The following RHBDD1 variants were observed in gnomAD, a reference collection of about 807,000 sequenced individuals.
RHBDD1 encodes the protein rhomboid-related protein 4.
In RHBDD1, 38 loss-of-function variants were observed where a neutral mutation model predicts 36.3. The ratio of observed to expected loss-of-function variants is 1.05; its 90% CI spans 0.81 to 1.37. The LOEUF (loss-of-function observed/expected upper bound fraction) is 1.37, where lower values mean the gene tolerates loss of function less well. RHBDD1 is among the 40% of genes most tolerant of loss of function. RHBDD1 has a pLI of 0.00. For missense variants in RHBDD1, 393 were observed against 377.6 expected, an observed-to-expected ratio of 1.04 and a Z score of -0.34; for synonymous variants, 151 against 136.5, an observed-to-expected ratio of 1.11 and a Z score of -0.74.
intron 2 of RHBDD1, among the ~76,000 whole-genome samples, chr2:226,838,922 G>A (rs901933598): frequency 1.3e-5 from 2 of 152,206 alleles, no homozygotes; most frequent in Non-Finnish European, 2.9e-5. Flanking sequence ...GAGTAATAAA[G>A]TATCTTCTGT....
the RHBDD1 span, among the ~76,000 whole-genome samples, chr2:226,812,058 C>T: frequency 2.0e-5 from 3 of 152,204 alleles, no homozygotes; most frequent in Non-Finnish European, 4.4e-5. Flanking sequence ...TCCCCCCATA[C>T]CCACCTTTTA....
intron 1 of RHBDD1, among the ~76,000 whole-genome samples, chr2:226,836,614 A>G (rs1374228144): frequency 6.6e-6 from 1 of 152,202 alleles, no homozygotes; most frequent in Non-Finnish European, 1.5e-5. Context: ...GTTTACAAGA[A>G]ACGGATCACA....
intron 5 of RHBDD1, among the ~76,000 whole-genome samples, chr2:226,870,512 A>G (rs1028209214): frequency 6.6e-6 from 1 of 152,188 alleles, no homozygotes; most frequent in African/African-American, 2.4e-5. Context: ...CTTAAACACT[A>G]AATAAGCAAG....
At chr2:226,979,770 C>G (rs776983621) in intron 8 of RHBDD1, among the ~76,000 whole-genome samples, 1 of 152,210 alleles carries the variant, frequency 6.6e-6, no homozygotes, top group Non-Finnish European at 1.5e-5. Flanking sequence ...CAGAAACACC[C>G]AGGAGCACTG....
chr2:226,857,874 T>A (rs1574830585), intron 3 of RHBDD1, among the ~76,000 whole-genome samples: 1 of 151,414 alleles, frequency 6.6e-6, no homozygotes, highest in Non-Finnish European at 1.5e-5. Flanking sequence ...GTGAATATAC[T>A]AAAAAAAAAC....
Position 226,854,314 on chromosome 2 carries a change from C to T in RHBDD1, c.-90-10290C>T, listed in dbSNP as rs911790460. ...TTGATTAACAACTTAACCTAAGGGC[C>T]GGGCGTGGTGGCTCACACCTGTAAT... On this transcript the variant is annotated intron_variant, in intron 3 of 8. Transcript: ENST00000392062. Among the ~76,000 whole-genome samples, 5 of 152,010 alleles carry T rather than the reference C, an allele frequency of 3.3e-5. No individual in the cohort carries two copies. In the East Asian group the frequency reaches 7.8e-4, roughly 24 times the overall value.
rs1959587018 is a variant in RHBDD1, at chr2:226,997,162, C to T, written c.*1640C>T. On this transcript the variant is annotated 3_prime_UTR_variant, in exon 9 of 9. Transcript: ENST00000392062. ...GGCCTCCTGGCTGGCCCAGTAATATCTGAGCTCCTTTGGTTAATTTATAAC... is the reference window on the plus strand; with the variant it reads ...GGCCTCCTGGCTGGCCCAGTAATATTTGAGCTCCTTTGGTTAATTTATAAC... 6.6e-6 allele frequency: 1 copy of T among 152,218 alleles called. No individual in the cohort carries two copies. The highest frequency in any genetic ancestry group is 2.4e-5 in the African/African-American group (1 of 41,452). 9.4% of individuals were successfully genotyped at this position (152,218 alleles called of 1,614,324 possible). A position where few individuals can be genotyped will look rare whatever the true frequency, so the allele number is the denominator to read the frequency against.
intron 5 of RHBDD1, among the ~76,000 whole-genome samples, chr2:226,902,350 G>T (rs1947665847): frequency 6.6e-6 from 1 of 152,132 alleles, no homozygotes; most frequent in African/African-American, 2.4e-5. Flanking sequence ...AAAGCCCAGG[G>T]CTTCTTTCTG....
chr2:226,906,970 G>A (rs775189769), intron 6 of RHBDD1, 89 bp downstream of exon 6: 2 of 1,381,270 alleles, frequency 1.4e-6, no homozygotes, highest in Non-Finnish European at 2.1e-6. Flanking sequence ...GTTTCCCTGT[G>A]GTTCAGCTCA....
rs551765077 is a variant in RHBDD1 at position 226,996,539 on chromosome 2, A to G, written c.*1017A>G. ...AAAGGACAAAGTCAGAAGATCACTG[A>G]TGTCTTACTGTCAACAGAGATATTT... On this transcript the variant is annotated 3_prime_UTR_variant, in exon 9 of 9. Coordinates refer to ENST00000392062, the MANE Select transcript of RHBDD1 (RefSeq NM_001167608.3). 3.9e-5 allele frequency: 6 copies of G among 152,356 alleles called. No individual in the cohort carries two copies. In the South Asian group the frequency reaches 1.0e-3, roughly 26 times the overall value. 9.4% of individuals were successfully genotyped at this position (152,356 alleles called of 1,614,324 possible).
At chr2:226,956,473 C>T (rs1355310152) in intron 8 of RHBDD1, among the ~76,000 whole-genome samples, 3 of 152,190 alleles carry the variant, frequency 2.0e-5, no homozygotes, top group Non-Finnish European at 4.4e-5. Flanking sequence ...CACCAGTCCC[C>T]AAGTTCTCCT....
the RHBDD1 span, among the ~76,000 whole-genome samples, chr2:226,820,037 G>A: frequency 2.1e-5 from 3 of 144,780 alleles, no homozygotes; most frequent in East Asian, 6.1e-4. Flanking sequence ...TAGGGCAGCT[G>A]AAGATCTGTG....
At chr2:226,959,008 T>A (rs1314825607) in intron 8 of RHBDD1, among the ~76,000 whole-genome samples, 1 of 152,148 alleles carries the variant, frequency 6.6e-6, no homozygotes, top group African/African-American at 2.4e-5. Flanking sequence ...AGCTGCCTTA[T>A]CTGACTGGTA....
intron 3 of RHBDD1, among the ~76,000 whole-genome samples, chr2:226,858,834 T>C (rs1943572018): frequency 6.6e-6 from 1 of 152,186 alleles, no homozygotes; most frequent in African/African-American, 2.4e-5. Context: ...ACCTTCCATT[T>C]CTCTCTGCCA....
At chr2:226,816,375 C>CAAAAAAAAAAA in the RHBDD1 span, among the ~76,000 whole-genome samples, 16 of 64,924 alleles carry the variant, frequency 2.5e-4, no homozygotes, top group East Asian at 8.6e-4. Context: ...GGAATGGTGG[C>CAAAAAAAAAAA]AAAAAAAAAA....
At chr2:226,907,967 G>A (rs1429668616) in intron 6 of RHBDD1, among the ~76,000 whole-genome samples, 2 of 152,106 alleles carry the variant, frequency 1.3e-5, no homozygotes, top group African/African-American at 4.8e-5. Context: ...TCATGATGAA[G>A]CGGTTAGTAA....
intron 8 of RHBDD1, among the ~76,000 whole-genome samples, chr2:226,984,878 A>C (rs1956579970): frequency 8.0e-6 from 1 of 124,486 alleles, no homozygotes. Flanking sequence ...TGAGAGCTAG[A>C]TGGGCCTTTT....
chr2:226,904,118 C>G (rs1947828253), intron 5 of RHBDD1, among the ~76,000 whole-genome samples: 1 of 152,178 alleles, frequency 6.6e-6, no homozygotes, highest in Non-Finnish European at 1.5e-5. Flanking sequence ...AACAGGGAAA[C>G]AGAAAACTTT....
chr2:226,914,110 A>C, intron 7 of RHBDD1, 98 bp from the exon 8 acceptor site: 1 of 1,041,498 alleles, frequency 9.6e-7, no homozygotes, highest in African/African-American at 1.6e-5. Context: ...ACCTAAAATA[A>C]TGTTATGCCT....
Sources: gnomAD v4.1 joint callset for allele counts (sites outside exome capture counted in the v4.1 genomes callset) on GRCh38, gnomAD v4.1.1 for gene constraint, MANE v1.5 for transcripts, NCBI Gene and HGNC (gene_info 2026-07-23, HGNC 2026-07-21) for gene names.